HOXD11: variants seen among roughly 807,000 people sequenced by gnomAD.
HOXD11 encodes homeobox D11.
A neutral mutation model predicts 23.1 loss-of-function variants in HOXD11; 16 were observed. The ratio of observed to expected loss-of-function variants is 0.69; its 90% CI spans 0.47 to 1.05. The LOEUF (loss-of-function observed/expected upper bound fraction) is 1.05. HOXD11 is among the 50% of genes least tolerant of loss of function. The pLI is 0.00. For synonymous variants in HOXD11, 262 were observed against 224.4 expected (o/e 1.17, Z -1.50); for missense variants, 564 against 495.6 (o/e 1.14, Z -1.31).
At chr2:176,113,576 A>C (rs1689705476), downstream of HOXD11, among the ~76,000 whole-genome samples, 1 of 152,094 alleles carries the variant, frequency 6.6e-6, no homozygotes, top group Non-Finnish European at 1.5e-5. Flanking sequence ...TTTTTATTCC[A>C]TTTGTCTCAC....
In HOXD11 at chr2:176,108,000, C is replaced by G; in HGVS notation, c.645C>G (p.Thr215=). The change falls in exon 1 of 2, where the codon ACC becomes ACG. Residue 215 remains threonine (T), a synonymous_variant. Coordinates refer to ENST00000249504, the MANE Select transcript of HOXD11 (RefSeq NM_021192.3). Reference sequence around the variant, plus strand: ...CAGCCGACAAGGGCGACCCCAGGACCGGGGCTGGTGGCGGCGGGGGCAGTC... The same window carrying G: ...CAGCCGACAAGGGCGACCCCAGGACGGGGGCTGGTGGCGGCGGGGGCAGTC... The part of the protein sequence containing the change: ...EGAADKGDPR[T]GAGGGGGSPC... 11 of 1,483,462 alleles carry G rather than the reference C, an allele frequency of 7.4e-6. 1 individual carries two copies. Among genetic ancestry groups the G allele is most frequent in the Non-Finnish European group, 9.8e-6 (11 of 1,122,338 alleles). 91.9% of individuals were successfully genotyped at this position (1,483,462 alleles called of 1,614,324 possible). A position where few individuals can be genotyped will look rare whatever the true frequency, so the allele number is the denominator to read the frequency against.
chr2:176,112,658 C>T (rs1689693921), downstream of HOXD11, among the ~76,000 whole-genome samples: 1 of 152,268 alleles, frequency 6.6e-6, no homozygotes, highest in Non-Finnish European at 1.5e-5. Flanking sequence ...CTACCTTTCC[C>T]GAGGCTGAAC....
chr2:176,108,165 G>A, intron 1 of HOXD11, 29 bp downstream of exon 1: 1 of 1,213,502 alleles, frequency 8.2e-7, no homozygotes, highest in Non-Finnish European at 1.0e-6. Flanking sequence ...GCAAGCGGTG[G>A]GCCCGGGGGC....
At position 176,107,784 on chromosome 2, in the gene HOXD11, G is replaced by A. The variant is rs778132547; in HGVS notation, c.429G>A (p.Ala143=). The A allele has an allele frequency of 2.2e-6, 3 of 1,336,216 alleles. No homozygotes were observed. Among genetic ancestry groups the A allele is most frequent in the South Asian group, 1.8e-5 (1 of 55,430 alleles). 82.8% of individuals were successfully genotyped at this position (1,336,216 alleles called of 1,614,324 possible). ...GCCGGCCGGACGTGCTCTTCAAGGC[G>A]CCTGAGCCGGTGTGCGCTGCGCCGG... The part of the protein sequence containing the change: ...AGRRPDVLFK[A]PEPVCAAPGP... Residue 143 remains alanine (A), a synonymous_variant, in exon 1 of 2, where the codon GCG becomes GCA. Transcript: ENST00000249504.
chr2:176,108,453 G>C (rs1035719850), intron 1 of HOXD11, among the ~76,000 whole-genome samples: 3 of 151,592 alleles, frequency 2.0e-5, no homozygotes, highest in African/African-American at 7.3e-5. Flanking sequence ...TGCATACACC[G>C]GAGCCTCCTG....
chr2:176,108,785 C>G, intron 1 of HOXD11, 122 bp from the exon 2 acceptor site: 1 of 648,780 alleles, frequency 1.5e-6, no homozygotes, highest in Non-Finnish European at 2.6e-6. Context: ...GCCTTTCGGC[C>G]GCGGCAGAGA....
chr2:176,107,810 G>A lies in HOXD11; in HGVS notation c.455G>A (p.Gly152Glu). The A allele has an allele frequency of 7.2e-7, 1 of 1,398,330 alleles. No homozygotes were observed. 86.6% of individuals were successfully genotyped at this position (1,398,330 alleles called of 1,614,324 possible). The change falls in exon 1 of 2, where the codon GGG becomes GAG. Residue 152 changes from glycine (G) to glutamate (E), a missense_variant. Physicochemically the swap from Gly to Glu is moderately conservative, Grantham distance 98. Transcript: ENST00000249504. ...CCTGAGCCGGTGTGCGCTGCGCCGGGGCCGCCGCACGGCCCCGCGGGCGCC... is the reference window on the plus strand; with the variant it reads ...CCTGAGCCGGTGTGCGCTGCGCCGGAGCCGCCGCACGGCCCCGCGGGCGCC... ...KAPEPVCAAP[G>E]PPHGPAGAAS...
the HOXD11 span, among the ~76,000 whole-genome samples, chr2:176,115,053 C>G: frequency 6.6e-6 from 1 of 152,374 alleles, no homozygotes; most frequent in African/African-American, 2.4e-5. Context: ...CCCGGGCTTC[C>G]GCAGGGCGGC....
rs1373553257 is a variant in HOXD11 at position 176,109,260 on chromosome 2, C to G, written c.*118C>G. 2.9e-6 allele frequency: 2 copies of G among 689,794 alleles called. No individual in the cohort carries two copies. Among genetic ancestry groups the G allele is most frequent in the Non-Finnish European group, 5.1e-6 (2 of 391,194 alleles). The allele number at this position is 689,794 out of a possible 1,614,324, so 42.7% of individuals were successfully genotyped here. A position where few individuals can be genotyped will look rare whatever the true frequency, so the allele number is the denominator to read the frequency against. ...GACGTCTCTTCTCTGTGGAACTTCA[C>G]GATTCCTTCCCACGGTCAACTCGGG... On this transcript the variant is annotated 3_prime_UTR_variant, in exon 2 of 2. Transcript: ENST00000249504.
chr2:176,109,480 T>A lies in HOXD11; in HGVS notation c.*338T>A. 1 of 307,936 alleles carries A rather than the reference T, an allele frequency of 3.2e-6. No individual in the cohort carries two copies. The highest frequency in any genetic ancestry group is 6.1e-6 in the Non-Finnish European group (1 of 165,008). The allele number at this position is 307,936 out of a possible 1,614,324, so 19.1% of individuals were successfully genotyped here. On this transcript the variant is annotated 3_prime_UTR_variant, in exon 2 of 2. Coordinates refer to ENST00000249504, the MANE Select transcript of HOXD11 (RefSeq NM_021192.3). ...GAAGTTGGGCCGGGTTGGGGGTTGC[T>A]AGAAGGCGCTGGTGTTTTGCTCTGA...
intron 1 of HOXD11, 179 bp from the exon 2 acceptor site, chr2:176,108,728 C>A: frequency 1.7e-6 from 1 of 601,806 alleles, no homozygotes; most frequent in Non-Finnish European, 2.9e-6. Flanking sequence ...CACGCCCGCA[C>A]TCTCTCCTGT....
At chr2:176,114,496 G>T (rs1322936462), downstream of HOXD11, among the ~76,000 whole-genome samples, 1 of 152,088 alleles carries the variant, frequency 6.6e-6, no homozygotes, top group Non-Finnish European at 1.5e-5. Flanking sequence ...GAACAGCTGC[G>T]TAAAGGTTTA....
downstream of HOXD11, among the ~76,000 whole-genome samples, chr2:176,114,300 C>G (rs1689718078): frequency 6.6e-6 from 1 of 152,198 alleles, no homozygotes; most frequent in South Asian, 2.1e-4. Context: ...AGTACCTTAG[C>G]AACCTAGAGT....
downstream of HOXD11, among the ~76,000 whole-genome samples, chr2:176,113,028 G>A (rs1396221547): frequency 1.1e-4 from 17 of 152,338 alleles, 1 homozygote; most frequent in Middle Eastern, 6.8e-3. Context: ...CTGTGCAGAA[G>A]GAGGTTCTCC....
chr2:176,108,659 CTGTGTGTGTG>C (rs56323681), intron 1 of HOXD11: 116 of 326,028 alleles, frequency 3.6e-4, no homozygotes, highest in African/African-American at 1.6e-3. Flanking sequence ...GTGCCAGGCT[CTGTGTGTGTG>C]TGTGTGTGTG....
Position 176,109,612 on chromosome 2 carries a change from G to C in HOXD11, c.*470G>C, listed in dbSNP as rs1054637622. The C allele has an allele frequency of 1.8e-5, 4 of 227,544 alleles. No individual in the cohort carries two copies. The highest frequency in any genetic ancestry group is 3.5e-5 in the Non-Finnish European group (4 of 114,686). The allele number at this position is 227,544 out of a possible 1,614,324, so 14.1% of individuals were successfully genotyped here. Reference sequence around the variant, plus strand: ...AAGGCATGAGTCACTGTCTTTTTTTGTGTGAATAAATGGTTTCTAGTAAAA... The same window carrying C: ...AAGGCATGAGTCACTGTCTTTTTTTCTGTGAATAAATGGTTTCTAGTAAAA... On this transcript the variant is annotated 3_prime_UTR_variant, in exon 2 of 2. Transcript: ENST00000249504.
chr2:176,108,664 T>G, intron 1 of HOXD11: 1 of 481,112 alleles, frequency 2.1e-6, no homozygotes, highest in Non-Finnish European at 3.6e-6. Context: ...AGGCTCTGTG[T>G]GTGTGTGTGT....
At chr2:176,108,484 G>A (rs1176806607) in intron 1 of HOXD11, among the ~76,000 whole-genome samples, 10 of 151,680 alleles carry the variant, frequency 6.6e-5, no homozygotes, top group Admixed American at 4.6e-4. Context: ...AGAGAGGCGG[G>A]GGGTGGGGAA....
chr2:176,112,862 C>G (rs2105391037), downstream of HOXD11, among the ~76,000 whole-genome samples: 1 of 152,338 alleles, frequency 6.6e-6, no homozygotes, highest in East Asian at 1.9e-4. Flanking sequence ...GACAAGGGCC[C>G]GGGATCAGAC....
Sources: gnomAD v4.1 joint callset for allele counts (sites outside exome capture counted in the v4.1 genomes callset) on GRCh38, gnomAD v4.1.1 for gene constraint, MANE v1.5 for transcripts, NCBI Gene and HGNC (gene_info 2026-07-23, HGNC 2026-07-21) for gene names.